The following SNRPN variants were observed in gnomAD, a reference collection of about 807,000 sequenced individuals.
SNRPN encodes the protein small nuclear ribonucleoprotein-associated protein N.
In SNRPN, 7 loss-of-function variants were observed where a neutral mutation model predicts 25.2. That is an observed-to-expected ratio of 0.28 (90% confidence interval 0.16 to 0.52). The LOEUF (loss-of-function observed/expected upper bound fraction) is 0.52. Among genes scored for constraint, SNRPN ranks in the 20% least tolerant of loss-of-function variants. SNRPN has a pLI of 0.96. For synonymous variants in SNRPN, 124 were observed against 110.6 expected, an observed-to-expected ratio of 1.12 and a Z score of -0.76; for missense variants, 196 against 322.5, an observed-to-expected ratio of 0.61 and a Z score of 3.00.
At chr15:24,842,513 C>T (rs1407841359) in intron 2 of SNRPN, among the ~76,000 whole-genome samples, 4 of 152,182 alleles carry the variant, frequency 2.6e-5, no homozygotes, top group Non-Finnish European at 5.9e-5. Context: ...AAATGCCCCC[C>T]TTTCACACAG....
chr15:24,919,495 G>A (rs2059915164), intron 2 of SNRPN, among the ~76,000 whole-genome samples: 1 of 152,004 alleles, frequency 6.6e-6, no homozygotes, highest in Admixed American at 6.6e-5. Context: ...ATGGTGATAG[G>A]TACAGGGACC....
intron 2 of SNRPN, among the ~76,000 whole-genome samples, chr15:24,908,697 T>A (rs1595840449): frequency 1.8e-5 from 1 of 54,586 alleles, no homozygotes; most frequent in East Asian, 6.7e-4. Context: ...AAGTTACAAG[T>A]TTTTTTCTAG....
upstream of SNRPN, among the ~76,000 whole-genome samples, chr15:24,950,841 C>T (rs1221774114): frequency 4.0e-5 from 6 of 151,078 alleles, no homozygotes; most frequent in Non-Finnish European, 5.9e-5. Context: ...AGCCCCTGTG[C>T]CCGGCCCCTA....
At chr15:24,835,130 A>T (rs2051033309) in intron 2 of SNRPN, among the ~76,000 whole-genome samples, 1 of 61,748 alleles carries the variant, frequency 1.6e-5, no homozygotes, top group African/African-American at 4.8e-5. Context: ...TATAAAATAT[A>T]TAGATATATA....
chr15:24,914,741 A>G (rs972357733), intron 2 of SNRPN, among the ~76,000 whole-genome samples: 3 of 152,104 alleles, frequency 2.0e-5, no homozygotes, highest in Non-Finnish European at 2.9e-5. Context: ...CCAAAAATGA[A>G]TAACTGAAAA....
Position 24,954,988 on chromosome 15 carries a change from CAG to C in SNRPN, c.-462_-461del. On this transcript the variant is annotated 5_prime_UTR_variant, in exon 1 of 10. Coordinates refer to ENST00000390687, the MANE Select transcript of SNRPN (RefSeq NM_003097.6). ...TGCCGCTGCTGCAGCGAGTCTGGCG[CAG>C]AGTGGAGCGGCCGCCGGAGATGCCT... 1 of 1,608,748 alleles carries C rather than the reference CAG, an allele frequency of 6.2e-7. No homozygotes were observed. Among genetic ancestry groups the C allele is most frequent in the Non-Finnish European group, 8.5e-7 (1 of 1,178,512 alleles).
intron 1 of SNRPN, among the ~76,000 whole-genome samples, chr15:24,884,996 A>G (rs1338891980): frequency 6.6e-6 from 1 of 152,158 alleles, no homozygotes; most frequent in Non-Finnish European, 1.5e-5. Flanking sequence ...TTTTTATGTA[A>G]GTGTCTTGTC....
chr15:24,937,618 A>G (rs1220062798), intron 3 of SNRPN, among the ~76,000 whole-genome samples: 1 of 152,244 alleles, frequency 6.6e-6, no homozygotes, highest in Non-Finnish European at 1.5e-5. Context: ...GCACTTTTTA[A>G]ATTGTAAAAA....
intron 1 of SNRPN, among the ~76,000 whole-genome samples, chr15:24,961,890 A>T (rs1050416248): frequency 1.3e-5 from 2 of 152,208 alleles, no homozygotes; most frequent in Admixed American, 6.5e-5. Context: ...GATTTTTTTT[A>T]AAACCAGATT....
At chr15:24,945,295 G>C (rs1343207202) in intron 3 of SNRPN, among the ~76,000 whole-genome samples, 1 of 147,736 alleles carries the variant, frequency 6.8e-6, no homozygotes, top group Non-Finnish European at 1.5e-5. Context: ...ACTTTTCCTT[G>C]GATCCTTTCC....
At position 24,869,943 on chromosome 15, in the gene SNRPN, G is replaced by A. The variant is rs60755089; in HGVS notation, c.-579+13227G>A. The stretch of plus-strand genomic sequence containing the variant: ...TGATTTCATACCATTTATTTATACT[G>A]TATTGAATATGATATGAAATTAGAT... On this transcript the variant is annotated intron_variant, in intron 1 of 11. Coordinates refer to the SNRPN transcript ENST00000400097. Among the ~76,000 whole-genome samples, 487 of 152,130 alleles carry A rather than the reference G, an allele frequency of 3.2e-3. 2 individuals are homozygous for A. The highest frequency in any genetic ancestry group is 0.011 in the African/African-American group (462 of 41,504).
intron 3 of SNRPN, among the ~76,000 whole-genome samples, chr15:24,933,990 A>G (rs1033363000): frequency 1.3e-4 from 20 of 152,080 alleles, no homozygotes; most frequent in African/African-American, 4.8e-4. Context: ...TGAGCTAACA[A>G]AGTTTTTTAT....
intron 3 of SNRPN, among the ~76,000 whole-genome samples, chr15:24,926,338 A>C (rs1309657339): frequency 1.3e-5 from 2 of 152,232 alleles, no homozygotes; most frequent in African/African-American, 4.8e-5. Flanking sequence ...AAAGGCATAC[A>C]GTAAGAAGTC....
intron 3 of SNRPN, among the ~76,000 whole-genome samples, chr15:24,933,319 G>C (rs575916689): frequency 4.5e-4 from 68 of 149,476 alleles, no homozygotes; most frequent in African/African-American, 1.6e-3. Context: ...AACATCTGTG[G>C]CTCTGGAGGG....
chr15:24,914,082 G>C (rs1386317320), intron 2 of SNRPN, among the ~76,000 whole-genome samples: 1 of 152,190 alleles, frequency 6.6e-6, no homozygotes, highest in African/African-American at 2.4e-5. Flanking sequence ...CCTGGTAAAA[G>C]CGTGAGTGTG....
intron 1 of SNRPN, among the ~76,000 whole-genome samples, chr15:24,882,480 C>T (rs2056782011): frequency 1.3e-5 from 2 of 151,504 alleles, no homozygotes; most frequent in Admixed American, 1.3e-4. Context: ...AGCACAGATG[C>T]TCCTCGACTT....
At chr15:24,955,159 T>A in intron 1 of SNRPN, 97 bp downstream of exon 1, 1 of 1,532,180 alleles carries the variant, frequency 6.5e-7, no homozygotes, top group Non-Finnish European at 8.9e-7. Context: ...GAGTACTGAA[T>A]AAACGGAATT....
At chr15:24,911,266 G>C in intron 2 of SNRPN, 1 of 423,400 alleles carries the variant, frequency 2.4e-6, no homozygotes, top group Non-Finnish European at 4.1e-6. Context: ...AAAACCAACT[G>C]TGTGGCCAAC....
chr15:24,860,392 T>C (rs952494909), intron 1 of SNRPN, among the ~76,000 whole-genome samples: 1 of 152,160 alleles, frequency 6.6e-6, no homozygotes, highest in African/African-American at 2.4e-5. Flanking sequence ...AAACTGGAAG[T>C]TTTGTGGGAA....
Sources: gnomAD v4.1 joint callset for allele counts (sites outside exome capture counted in the v4.1 genomes callset) on GRCh38, gnomAD v4.1.1 for gene constraint, MANE v1.5 for transcripts, NCBI Gene and HGNC (gene_info 2026-07-23, HGNC 2026-07-21) for gene names.